The following POM121C variants were observed in gnomAD, a reference collection of about 807,000 sequenced individuals.
POM121C encodes the protein nuclear envelope pore membrane protein POM 121C.
In POM121C, 20 loss-of-function variants were observed where a neutral mutation model predicts 66.4. The ratio of observed to expected loss-of-function variants is 0.30; its 90% confidence interval spans 0.21 to 0.44. The LOEUF is 0.44. Ranked by LOEUF, POM121C falls within the 20% of genes least tolerant of loss-of-function variation. The probability of loss-of-function intolerance (pLI) is 1.00; values close to 1 mark genes in which losing one functional copy is unlikely to be tolerated. For missense variants in POM121C, 580 were observed against 1,225.7 expected, an observed-to-expected ratio of 0.47 and a Z score of 7.87; for synonymous variants, 286 against 528.0, an observed-to-expected ratio of 0.54 and a Z score of 6.28.
chr7:75,456,744 T>C (rs1424568053), intron 3 of POM121C, among the ~76,000 whole-genome samples: 2 of 152,394 alleles, frequency 1.3e-5, no homozygotes, highest in Admixed American at 1.3e-4. Flanking sequence ...CCCTAAAAGT[T>C]ATCAAGACAA....
chr7:75,485,945 G>C lies in POM121C; in HGVS notation c.-539C>G, dbSNP rs587648615. 2.0e-5 allele frequency: 10 copies of C among 498,638 alleles called. No individual in the cohort carries two copies. The highest frequency in any genetic ancestry group is 1.9e-4 in the African/African-American group (10 of 51,662). 30.9% of individuals were successfully genotyped at this position (498,638 alleles called of 1,614,324 possible). ...CTGTCGCTGGCGCGCGCGTCTGCTC[G>C]CGAGGTCCCCTCCTGTCCACCTCAC... On this transcript the variant is annotated 5_prime_UTR_variant, in exon 1 of 15. Coordinates refer to ENST00000615331, the MANE Select transcript of POM121C (RefSeq NM_001099415.3).
At position 75,421,481 on chromosome 7, in the gene POM121C, G is replaced by A. The variant is rs188440925; in HGVS notation, c.2743+28C>T. The A allele has an allele frequency of 1.2e-3, 1,900 of 1,610,584 alleles. 26 individuals carry two copies. The African/African-American group carries it at 0.023, about 20-fold the overall frequency. ...GGCACAGCTTTTCAGTGTCCGGCCCGGTAGCCCAAGTCCACGCCCCTCCTT... is the reference window on the plus strand; with the variant it reads ...GGCACAGCTTTTCAGTGTCCGGCCCAGTAGCCCAAGTCCACGCCCCTCCTT... On this transcript the variant is annotated intron_variant, in intron 13 of 14. Transcript: ENST00000615331.
At chr7:75,433,940 G>A (rs1364876243) in intron 7 of POM121C, among the ~76,000 whole-genome samples, 13 of 152,164 alleles carry the variant, frequency 8.5e-5, no homozygotes, top group Admixed American at 8.5e-4. Flanking sequence ...ACTTCCTAAA[G>A]GTAAAGCTGC....
chr7:75,481,738 A>C (rs1342981971), intron 1 of POM121C, among the ~76,000 whole-genome samples: 1 of 152,156 alleles, frequency 6.6e-6, no homozygotes, highest in Non-Finnish European at 1.5e-5. Context: ...AAGTGGGAGG[A>C]TCACTTGAGC....
In POM121C at chr7:75,424,122, C is replaced by T. The variant is rs1789838358; in HGVS notation, c.975G>A (p.Leu325=). Residue 325 remains leucine (L), a synonymous_variant, in exon 12 of 15, where the codon CTG becomes CTA. Transcript: ENST00000615331. ...AATASPPTSL[L]APSTNPLLES... ...CTAACAGTGGGTTGGTGCTTGGGGC[C>T]AGGAGGGAGGTGGGTGGGGAGGCAG... 5 of 1,611,814 alleles carry T rather than the reference C, an allele frequency of 3.1e-6. No homozygotes were observed. Among genetic ancestry groups the T allele is most frequent in the Non-Finnish European group, 4.2e-6 (5 of 1,179,820 alleles).
chr7:75,425,082 G>A lies in POM121C; in HGVS notation c.760C>T (p.Leu254=). The A allele has an allele frequency of 1.1e-5, 16 of 1,474,710 alleles. No homozygotes were observed. The highest frequency in any genetic ancestry group is 1.4e-5 in the Non-Finnish European group (16 of 1,112,112). 91.4% of individuals were successfully genotyped at this position (1,474,710 alleles called of 1,614,324 possible). The change falls in exon 10 of 15, where the codon CTG becomes TTG. Residue 254 remains leucine (L), a synonymous_variant. Coordinates refer to ENST00000615331, the MANE Select transcript of POM121C (RefSeq NM_001099415.3). The stretch of plus-strand genomic sequence containing the variant: ...GATGGACAAGACCATACCAAGGTCA[G>A]CTGTTCCCCTCGCCGAGAAGGCAGC... ...QLLPSRRGEQ[L]TLPPPPQLGY...
intron 5 of POM121C, among the ~76,000 whole-genome samples, chr7:75,439,592 C>T (rs1311774219): frequency 2.0e-5 from 3 of 152,158 alleles, no homozygotes; most frequent in Admixed American, 6.5e-5. Flanking sequence ...CCCTATGTTG[C>T]CCAGGCTGGT....
intron 3 of POM121C, among the ~76,000 whole-genome samples, chr7:75,465,308 T>A (rs1369267485): frequency 3.3e-5 from 5 of 151,406 alleles, no homozygotes; most frequent in Admixed American, 2.6e-4. Flanking sequence ...ATTGTAACAC[T>A]TTAAAATGGT....
chr7:75,439,834 T>C (rs587760033), intron 5 of POM121C, among the ~76,000 whole-genome samples: 2 of 152,176 alleles, frequency 1.3e-5, no homozygotes, highest in African/African-American at 2.4e-5. Context: ...TTTCTGTAAT[T>C]AGAAAACTAT....
intron 1 of POM121C, among the ~76,000 whole-genome samples, chr7:75,475,939 G>C (rs1370641670): frequency 6.6e-6 from 1 of 151,830 alleles, no homozygotes; most frequent in African/African-American, 2.4e-5. Flanking sequence ...GGAAGAATAT[G>C]ATGAGGTGTA....
At position 75,418,862 on chromosome 7, in the gene POM121C, C is replaced by T. The variant is rs1418867145; in HGVS notation, c.2898G>A (p.Ala966=). Residue 966 remains alanine, a synonymous_variant, in exon 15 of 15, where the codon GCG becomes GCA. Transcript: ENST00000615331. ...GTCGAGCCCCTGGGGTCTTGGATCCCGCACCAATGGAAAATGAAGGGGCCG... is the reference window on the plus strand; with the variant it reads ...GTCGAGCCCCTGGGGTCTTGGATCCTGCACCAATGGAAAATGAAGGGGCCG... ...GSAAPSFSIG[A]GSKTPGARQR... 17 of 1,611,594 alleles carry T rather than the reference C, an allele frequency of 1.1e-5. No individual in the cohort carries two copies. Among genetic ancestry groups the T allele is most frequent in the African/African-American group, 1.3e-5 (1 of 74,808 alleles).
At chr7:75,463,886 T>G (rs1212482444) in intron 3 of POM121C, among the ~76,000 whole-genome samples, 1 of 151,614 alleles carries the variant, frequency 6.6e-6, no homozygotes, top group Non-Finnish European at 1.5e-5. Context: ...GAGATGGGAT[T>G]TCACCATGTT....
intron 7 of POM121C, among the ~76,000 whole-genome samples, chr7:75,433,691 T>A (rs1425385871): frequency 6.6e-6 from 1 of 152,178 alleles, no homozygotes; most frequent in Non-Finnish European, 1.5e-5. Flanking sequence ...TAATAGAGGA[T>A]ACTATACAAT....
intron 1 of POM121C, chr7:75,484,355 A>G: frequency 1.4e-6 from 1 of 694,686 alleles, no homozygotes; most frequent in Non-Finnish European, 2.5e-6. Flanking sequence ...TCAATAGGCT[A>G]ACACCCTGTG....
chr7:75,422,082 G>A lies in POM121C; in HGVS notation c.2170C>T (p.Pro724Ser). The A allele has an allele frequency of 6.2e-7, 1 of 1,608,806 alleles. No homozygotes were observed. Among genetic ancestry groups the A allele is most frequent in the Admixed American group, 1.7e-5 (1 of 59,808 alleles). Residue 724 changes from proline to serine, a missense_variant, in exon 13 of 15, where the codon CCC (proline) becomes TCC (serine). Pro to Ser is a moderately conservative substitution (Grantham distance 74, BLOSUM62 -1). Transcript: ENST00000615331. Reference sequence around the variant, plus strand: ...AAAGTGAAAGAGCTGCCAAAGCTGGGGGTAAGGGCTGGCTTGGCGGCCCCC... The same window carrying A: ...AAAGTGAAAGAGCTGCCAAAGCTGGAGGTAAGGGCTGGCTTGGCGGCCCCC... Reference protein sequence around the residue: ...PPGAAKPALTPSFGSSFTFGN... With the variant: ...PPGAAKPALTSSFGSSFTFGN...
intron 7 of POM121C, among the ~76,000 whole-genome samples, chr7:75,435,879 G>C (rs376956746): frequency 6.6e-6 from 1 of 152,156 alleles, no homozygotes; most frequent in Admixed American, 6.5e-5. Flanking sequence ...TTGAAACCTT[G>C]TGTCAAACTA....
chr7:75,435,457 T>A (rs1463712058), intron 7 of POM121C, among the ~76,000 whole-genome samples: 1 of 152,204 alleles, frequency 6.6e-6, no homozygotes, highest in African/African-American at 2.4e-5. Flanking sequence ...TTTGAGTGTA[T>A]CTTGTTTTAG....
intron 3 of POM121C, among the ~76,000 whole-genome samples, chr7:75,473,935 G>A (rs1214188675): frequency 4.6e-5 from 7 of 152,066 alleles, no homozygotes; most frequent in African/African-American, 1.7e-4. Flanking sequence ...TGATCCGCCC[G>A]CCTCGGCCTC....
At position 75,421,936 on chromosome 7, in the gene POM121C, G is replaced by C. The variant is rs200524305; in HGVS notation, c.2316C>G (p.His772Gln). ...PIQPTFGGAT[H>Q]SAFGLKATAS... ...CCGTGGCTTTCAATCCAAACGCCGAGTGCGTGGCACCGCCAAAGGTAGGCT... is the reference window on the plus strand; with the variant it reads ...CCGTGGCTTTCAATCCAAACGCCGACTGCGTGGCACCGCCAAAGGTAGGCT... The change falls in exon 13 of 15, where the codon CAC becomes CAG. Residue 772 changes from histidine to glutamine, a missense_variant. Coordinates refer to ENST00000615331, the MANE Select transcript of POM121C (RefSeq NM_001099415.3). 1,058 of 1,613,600 alleles carry C rather than the reference G, an allele frequency of 6.6e-4. 2 individuals are homozygous for C. The highest frequency in any genetic ancestry group is 1.1e-3 in the South Asian group (97 of 91,080).
Sources: allele counts gnomAD v4.1 joint callset (sites outside exome capture counted in the v4.1 genomes callset), GRCh38; gene constraint gnomAD v4.1.1; transcripts MANE v1.5; gene names NCBI Gene and HGNC (gene_info 2026-07-23, HGNC 2026-07-21).